NARS2: variants seen among roughly 807,000 people sequenced by gnomAD.
The protein encoded by NARS2 is asparaginyl-tRNA synthetase 2, mitochondrial, also known as asparaginyl-tRNA synthetase.
In NARS2, 60 loss-of-function variants were observed where a neutral mutation model predicts 62.9. The ratio of observed to expected loss-of-function variants is 0.95; its 90% confidence interval spans 0.77 to 1.18. NARS2 has a LOEUF of 1.18. Among genes scored for constraint, NARS2 ranks in the 50% most tolerant of loss-of-function variants. The probability of loss-of-function intolerance (pLI) is 0.00; values close to 1 mark genes in which losing one functional copy is unlikely to be tolerated. For synonymous variants in NARS2, 196 were observed against 200.0 expected (o/e 0.98, Z 0.17); for missense variants, 619 against 576.4 (o/e 1.07, Z -0.76).
chr11:78,489,099 T>C (rs1859705346), intron 7 of NARS2, among the ~76,000 whole-genome samples: 1 of 151,504 alleles, frequency 6.6e-6, no homozygotes, highest in African/African-American at 2.4e-5. Flanking sequence ...AAAAGCATAA[T>C]CCATGAAAGA....
intron 6 of NARS2, among the ~76,000 whole-genome samples, chr11:78,498,855 T>A (rs975151637): frequency 8.6e-5 from 13 of 151,262 alleles, no homozygotes; most frequent in African/African-American, 2.9e-4. Context: ...ATATATATAT[T>A]TTATTTGGTT....
chr11:78,515,072 T>C (rs1344741430), intron 6 of NARS2, among the ~76,000 whole-genome samples: 3 of 152,164 alleles, frequency 2.0e-5, no homozygotes, highest in Non-Finnish European at 2.9e-5. Flanking sequence ...TGATGACCAA[T>C]ATGGCAAAGC....
At chr11:78,472,102 T>C (rs1184410966) in intron 9 of NARS2, among the ~76,000 whole-genome samples, 1 of 152,196 alleles carries the variant, frequency 6.6e-6, no homozygotes, top group African/African-American at 2.4e-5. Context: ...ATTCCACGTC[T>C]TCCACTCCAC....
chr11:78,496,564 A>G (rs534082338), intron 6 of NARS2, among the ~76,000 whole-genome samples: 3 of 152,292 alleles, frequency 2.0e-5, no homozygotes, highest in Non-Finnish European at 2.9e-5. Flanking sequence ...TACTAACAAC[A>G]ATGATGCTCA....
chr11:78,525,456 CTGAA>C (rs1195269084), intron 6 of NARS2, among the ~76,000 whole-genome samples: 1 of 152,116 alleles, frequency 6.6e-6, no homozygotes, highest in Non-Finnish European at 1.5e-5. Context: ...AAGAATCAAT[CTGAA>C]TGAGTTCCCA....
chr11:78,441,115 G>C lies in NARS2; in HGVS notation c.1265C>G (p.Ser422Trp), dbSNP rs746425351. The stretch of plus-strand genomic sequence containing the variant: ...CCATTGGTAGACTTCTGTAAGTCCC[G>C]ATCTGTTTAAAGGAAAATAAAATTC... ...YHFLEERLARSGLTEVYQWYL... is the reference protein window; with the variant it reads ...YHFLEERLARWGLTEVYQWYL... The change falls in exon 13 of 14, where the codon TCG (serine) becomes TGG (tryptophan). Residue 422 changes from serine (S) to tryptophan (W), a missense_variant and splice_region_variant. Physicochemically the swap from Ser to Trp is radical, Grantham distance 177. Transcript: ENST00000281038. 10 of 1,611,404 alleles carry C rather than the reference G, an allele frequency of 6.2e-6. No individual in the cohort carries two copies. The highest frequency in any genetic ancestry group is 8.5e-6 in the Non-Finnish European group (10 of 1,178,678).
chr11:78,556,581 A>T (rs913475605), intron 5 of NARS2, among the ~76,000 whole-genome samples: 1 of 152,156 alleles, frequency 6.6e-6, no homozygotes, highest in Non-Finnish European at 1.5e-5. Context: ...TTGCTTTTTG[A>T]TTTTTGTTTC....
At chr11:78,521,652 T>C (rs1348240744) in intron 6 of NARS2, among the ~76,000 whole-genome samples, 1 of 151,652 alleles carries the variant, frequency 6.6e-6, no homozygotes, top group Non-Finnish European at 1.5e-5. Flanking sequence ...TAGCCGGGCG[T>C]AGTGGCGGGT....
At chr11:78,441,023 T>C in intron 13 of NARS2, 68 bp downstream of exon 13, 1 of 1,454,718 alleles carries the variant, frequency 6.9e-7, no homozygotes, top group South Asian at 1.2e-5. Flanking sequence ...GGGATACAAG[T>C]AAAAACGCTT....
At chr11:78,528,980 T>G in intron 5 of NARS2, 44 bp from the exon 6 acceptor site, 1 of 1,293,972 alleles carries the variant, frequency 7.7e-7, no homozygotes, top group South Asian at 1.2e-5. Context: ...TTAAATGTTT[T>G]GCTTTGCATT....
At chr11:78,471,002 A>G (rs1221589324) in intron 9 of NARS2, among the ~76,000 whole-genome samples, 1 of 151,826 alleles carries the variant, frequency 6.6e-6, no homozygotes, top group Non-Finnish European at 1.5e-5. Flanking sequence ...TCATATCCAT[A>G]ACAACTAACC....
chr11:78,474,324 T>C (rs1173926219), intron 9 of NARS2, among the ~76,000 whole-genome samples: 1 of 152,218 alleles, frequency 6.6e-6, no homozygotes, highest in Admixed American at 6.5e-5. Context: ...TATAAATATT[T>C]AACTGTTCAT....
chr11:78,506,147 A>G (rs1860488512), intron 6 of NARS2, among the ~76,000 whole-genome samples: 4 of 152,222 alleles, frequency 2.6e-5, no homozygotes, highest in Admixed American at 2.6e-4. Flanking sequence ...TAAAACCACA[A>G]TGACATATCC....
intron 5 of NARS2, among the ~76,000 whole-genome samples, chr11:78,545,971 C>T (rs1465502252): frequency 2.0e-5 from 3 of 152,146 alleles, no homozygotes; most frequent in Non-Finnish European, 4.4e-5. Flanking sequence ...TTCTGATTAC[C>T]TATTGGTGAG....
chr11:78,523,775 G>C (rs1254830201), intron 6 of NARS2, among the ~76,000 whole-genome samples: 1 of 152,194 alleles, frequency 6.6e-6, no homozygotes. Context: ...TAAACTCATA[G>C]AGAGAGAACT....
intron 6 of NARS2, among the ~76,000 whole-genome samples, chr11:78,511,359 A>G (rs1430813015): frequency 1.3e-5 from 2 of 152,168 alleles, no homozygotes; most frequent in East Asian, 3.9e-4. Flanking sequence ...GATTACAGGT[A>G]TAAGCCATGT....
intron 11 of NARS2, among the ~76,000 whole-genome samples, chr11:78,451,936 G>C (rs1401692622): frequency 6.6e-6 from 1 of 151,682 alleles, no homozygotes; most frequent in African/African-American, 2.4e-5. Context: ...TCTCCAAATA[G>C]CCGGACTCTA....
At chr11:78,538,215 C>T (rs1287655444) in intron 5 of NARS2, among the ~76,000 whole-genome samples, 1 of 152,288 alleles carries the variant, frequency 6.6e-6, no homozygotes, top group African/African-American at 2.4e-5. Flanking sequence ...CAGCACAATA[C>T]ATTCACCTCA....
At chr11:78,468,871 A>G (rs1858746573) in intron 10 of NARS2, among the ~76,000 whole-genome samples, 3 of 151,064 alleles carry the variant, frequency 2.0e-5, no homozygotes, top group African/African-American at 7.3e-5. Context: ...GGCTCAAGCA[A>G]TCTGCCTGCC....
Sources: allele counts gnomAD v4.1 joint callset (sites outside exome capture counted in the v4.1 genomes callset), GRCh38; gene constraint gnomAD v4.1.1; transcripts MANE v1.5; gene names NCBI Gene and HGNC (gene_info 2026-07-23, HGNC 2026-07-21).